The following C1QTNF5 variants were observed in gnomAD, a reference collection of about 807,000 sequenced individuals.
C1QTNF5 encodes the protein C1q and TNF related 5.
A neutral mutation model predicts 10.9 loss-of-function variants in C1QTNF5; 5 were observed. That is an observed-to-expected ratio of 0.46 (90% confidence interval 0.24 to 0.97). The LOEUF (loss-of-function observed/expected upper bound fraction) is 0.97, where lower values mean the gene tolerates loss of function less well. C1QTNF5 is among the 50% of genes least tolerant of loss of function. C1QTNF5 has a pLI of 0.19. For synonymous variants in C1QTNF5, 161 were observed against 156.5 expected (o/e 1.03, Z -0.22); for missense variants, 281 against 339.4 (o/e 0.83, Z 1.35).
chr11:119,346,305 C>T, the C1QTNF5 span: 1 of 1,613,886 alleles, frequency 6.2e-7, no homozygotes, highest in Non-Finnish European at 8.5e-7. Context: ...TAGCTGGCAT[C>T]CTCTGGGAAA....
upstream of C1QTNF5, chr11:119,344,050 T>G: frequency 3.9e-6 from 6 of 1,522,182 alleles, no homozygotes; most frequent in Non-Finnish European, 5.4e-6. Context: ...CCCCCACTGC[T>G]GGCTGGGGGG....
upstream of C1QTNF5, chr11:119,345,794 C>T (rs3814762): frequency 0.31 from 492,132 of 1,613,314 alleles, 78,848 homozygotes; most frequent in Non-Finnish European, 0.33. Context: ...GAGGGGCTCA[C>T]GCCTGACTCC....
upstream of C1QTNF5, chr11:119,344,835 G>A (rs760634896): frequency 6.2e-7 from 1 of 1,613,440 alleles, no homozygotes. Context: ...TGGAGGGGAA[G>A]AAAGTGGACA....
At chr11:119,341,963 T>A (rs764992842), upstream of C1QTNF5, 9 of 1,613,682 alleles carry the variant, frequency 5.6e-6, no homozygotes, top group South Asian at 9.9e-5. Context: ...CATCTCCACC[T>A]GGACAGGCTC....
chr11:119,342,228 C>T (rs994689652), upstream of C1QTNF5, among the ~76,000 whole-genome samples: 5 of 152,332 alleles, frequency 3.3e-5, no homozygotes, highest in Admixed American at 3.3e-4. Context: ...TCTCAGGGAA[C>T]ATGGGGCACC....
chr11:119,346,038 G>A, the C1QTNF5 span: 3 of 1,611,534 alleles, frequency 1.9e-6, no homozygotes, highest in African/African-American at 1.3e-5. Context: ...CTGTCCCCGG[G>A]TACTTACGGG....
upstream of C1QTNF5, chr11:119,343,966 TG>T: frequency 6.2e-7 from 1 of 1,611,806 alleles, no homozygotes. Context: ...GGTGCAGAGC[TG>T]GGGGAGGGCA....
At chr11:119,346,361 T>C in the C1QTNF5 span, 3 of 1,613,990 alleles carry the variant, frequency 1.9e-6, no homozygotes, top group African/African-American at 1.3e-5. Flanking sequence ...GAAGGCAGGA[T>C]TGCAGAACTC....
At chr11:119,343,019 A>AGG (rs746574063), upstream of C1QTNF5, 36 of 1,592,258 alleles carry the variant, frequency 2.3e-5, no homozygotes, top group Non-Finnish European at 3.1e-5. Context: ...CAAAGCAGAC[A>AGG]GCTGTTCTGG....
At chr11:119,344,599 C>T (rs1241988236), upstream of C1QTNF5, 5 of 1,613,556 alleles carry the variant, frequency 3.1e-6, no homozygotes, top group Non-Finnish European at 4.2e-6. Flanking sequence ...AGATCAGACG[C>T]CTGAAGAGAG....
At chr11:119,343,591 C>G (rs761307383), upstream of C1QTNF5, among the ~76,000 whole-genome samples, 6 of 152,014 alleles carry the variant, frequency 3.9e-5, no homozygotes, top group Non-Finnish European at 8.8e-5. Context: ...TGGGGAGGAA[C>G]TGGGGCAGGG....
At chr11:119,345,001 A>C, upstream of C1QTNF5, 1 of 1,604,412 alleles carries the variant, frequency 6.2e-7, no homozygotes, top group Non-Finnish European at 8.5e-7. Flanking sequence ...CCCTTCCACA[A>C]ACCCTGCAAG....
chr11:119,339,173 G>A lies in C1QTNF5; in HGVS notation c.*158C>T. 1.2e-6 allele frequency: 1 copy of A among 802,460 alleles called. No individual in the cohort carries two copies. Among genetic ancestry groups the A allele is most frequent in the Non-Finnish European group, 1.9e-6 (1 of 517,768 alleles). 49.7% of individuals were successfully genotyped at this position (802,460 alleles called of 1,614,324 possible). A position where few individuals can be genotyped will look rare whatever the true frequency, so the allele number is the denominator to read the frequency against. ...CCAGACCTGATCGCAGACAGCCACT[G>A]TTCCCATTCCTTGCCAGCAGCAGGA... is the stretch of plus-strand genomic sequence containing the variant. On this transcript the variant is annotated 3_prime_UTR_variant, in exon 3 of 3. Coordinates refer to ENST00000528368, the MANE Select transcript of C1QTNF5 (RefSeq NM_001278431.2). This position sits in a 1 kb window ranked among gnomAD's most constrained non-coding sequence, Gnocchi z 5.4.
At chr11:119,344,885 G>GA, upstream of C1QTNF5, 2 of 1,612,986 alleles carry the variant, frequency 1.2e-6, no homozygotes, top group Non-Finnish European at 1.7e-6. Context: ...GCGCCCAGGG[G>GA]CCATAGCCTG....
chr11:119,345,309 T>C, upstream of C1QTNF5: 1 of 1,129,730 alleles, frequency 8.9e-7, no homozygotes, highest in South Asian at 1.4e-5. Flanking sequence ...CCCAGAGGTC[T>C]AGTCTCTCAA....
the C1QTNF5 span, chr11:119,346,682 C>T: frequency 1.4e-6 from 1 of 696,384 alleles, no homozygotes; most frequent in Non-Finnish European, 2.6e-6. Context: ...GTGGTTTGGC[C>T]TATGGGCTAC....
At chr11:119,344,334 T>G (rs372960644), upstream of C1QTNF5, 8 of 1,613,928 alleles carry the variant, frequency 5.0e-6, no homozygotes, top group Admixed American at 1.2e-4. Flanking sequence ...AGGGTACTGC[T>G]GCAGGTAGCT....
chr11:119,345,330 G>T (rs770344130), upstream of C1QTNF5: 112 of 1,342,114 alleles, frequency 8.3e-5, 1 homozygote, highest in Admixed American at 5.8e-4. Flanking sequence ...TTTCTTCCTC[G>T]GTTAGCCCTT....
At chr11:119,344,500 G>C, upstream of C1QTNF5, 1 of 1,575,892 alleles carries the variant, frequency 6.3e-7, no homozygotes, top group Non-Finnish European at 8.7e-7. Context: ...TGGGAAACAA[G>C]TTCTGGGCCA....
Sources: allele counts gnomAD v4.1 joint callset (sites outside exome capture counted in the v4.1 genomes callset), GRCh38; gene constraint gnomAD v4.1.1; non-coding constraint Gnocchi (gnomAD v3.1); transcripts MANE v1.5; gene names NCBI Gene and HGNC (gene_info 2026-07-23, HGNC 2026-07-21).